Variants in HECTD4 observed in about 807,000 individuals in gnomAD.
HECTD4 encodes the protein HECT domain E3 ubiquitin protein ligase 4.
HECTD4 carries 114 observed loss-of-function variants against 471.5 expected under a neutral mutation model. That is an observed-to-expected ratio of 0.24 (90% CI 0.21 to 0.28). The LOEUF (loss-of-function observed/expected upper bound fraction) is 0.28. HECTD4 is among the 10% of genes least tolerant of loss of function. The pLI, the probability that HECTD4 is intolerant of heterozygous loss-of-function variation, is 1.00. For missense variants in HECTD4, 3,866 were observed against 5,651.5 expected (o/e 0.68, Z 10.13); for synonymous variants, 2,012 against 2,256.0 (o/e 0.89, Z 3.07).
intron 72 of HECTD4, 120 bp from the exon 73 acceptor site, chr12:112,164,395 G>A (rs1016350885): frequency 2.6e-5 from 27 of 1,036,350 alleles, no homozygotes. Flanking sequence ...CCGTGTAGAT[G>A]AGCATGTGAC....
Position 112,228,074 on chromosome 12 carries a change from G to A in HECTD4, c.6854+15C>T. On this transcript the variant is annotated intron_variant, in intron 43 of 75. Coordinates refer to ENST00000682272, the MANE Select transcript of HECTD4 (RefSeq NM_001388303.1). The surrounding 1 kb of genome is among the most constrained non-coding windows in gnomAD (Gnocchi z 4.9). ...ACCATGTCAGCACATAAGGCAATGT[G>A]GGGAGGGTACTCACCTTGTCCTTAT... 1.9e-6 allele frequency: 3 copies of A among 1,596,516 alleles called. No individual in the cohort carries two copies. The South Asian group carries it at 3.4e-5, about 18-fold the overall frequency.
chr12:112,198,860 A>T (rs2032327932), intron 55 of HECTD4, among the ~76,000 whole-genome samples: 1 of 152,180 alleles, frequency 6.6e-6, no homozygotes, highest in Non-Finnish European at 1.5e-5. Context: ...ATCACAAGGC[A>T]CTGCTTATGA....
In HECTD4 at chr12:112,319,496, T is replaced by C; in HGVS notation, c.424A>G (p.Thr142Ala). Residue 142 changes from threonine to alanine, a missense_variant, in exon 2 of 76, where the codon ACA (threonine) becomes GCA (alanine). Physicochemically the swap from Thr to Ala is moderately conservative, Grantham distance 58. Coordinates refer to ENST00000682272, the MANE Select transcript of HECTD4 (RefSeq NM_001388303.1). The surrounding 1 kb of genome is among the most constrained non-coding windows in gnomAD (Gnocchi z 5.3). The stretch of plus-strand genomic sequence containing the variant: ...ACCAGCAGGAGCCCCATCCTCGATG[T>C]GAAGGGCGCTTGCTCAGGTTGCTGC... The part of the protein sequence containing the change: ...LLQQPEQAPF[T>A]SRMGLLLVFP... 1 of 1,498,446 alleles carries C rather than the reference T, an allele frequency of 6.7e-7. No homozygotes were observed. Among genetic ancestry groups the C allele is most frequent in the Non-Finnish European group, 8.9e-7 (1 of 1,127,502 alleles). The allele number at this position is 1,498,446 out of a possible 1,614,324, so 92.8% of individuals were successfully genotyped here.
intron 66 of HECTD4, among the ~76,000 whole-genome samples, chr12:112,175,177 C>T (rs1004928368): frequency 2.0e-5 from 3 of 152,268 alleles, no homozygotes; most frequent in African/African-American, 7.2e-5. Flanking sequence ...CGAACAGATA[C>T]GTATGTTGAA....
At chr12:112,197,233 C>T (rs1395200549) in intron 55 of HECTD4, among the ~76,000 whole-genome samples, 1 of 152,164 alleles carries the variant, frequency 6.6e-6, no homozygotes, top group Non-Finnish European at 1.5e-5. Context: ...TTGGGTCTGA[C>T]CTGCAGCCCT....
intron 17 of HECTD4, among the ~76,000 whole-genome samples, chr12:112,263,589 G>T (rs1394949061): frequency 2.0e-5 from 3 of 152,038 alleles, no homozygotes; most frequent in Admixed American, 2.0e-4. Flanking sequence ...TATAGGTTTA[G>T]AAATTAGATT....
intron 29 of HECTD4, among the ~76,000 whole-genome samples, chr12:112,245,758 C>T (rs992780705): frequency 1.3e-5 from 2 of 152,234 alleles, no homozygotes; most frequent in Non-Finnish European, 2.9e-5. Context: ...TGCTTGTGGG[C>T]TGTGCCATGT....
chr12:112,286,699 C>T (rs1034213572), intron 7 of HECTD4, among the ~76,000 whole-genome samples: 1 of 151,878 alleles, frequency 6.6e-6, no homozygotes, highest in Non-Finnish European at 1.5e-5. Flanking sequence ...CCCACCCCGC[C>T]CCACCAAAAA....
chr12:112,359,128 A>G (rs1208838300), intron 1 of HECTD4, among the ~76,000 whole-genome samples: 5 of 151,526 alleles, frequency 3.3e-5, no homozygotes, highest in Admixed American at 2.6e-4. Context: ...ATGAGTCGAG[A>G]TGGGCCACTG....
At chr12:112,286,647 G>A (rs1298580597) in intron 7 of HECTD4, among the ~76,000 whole-genome samples, 1 of 151,956 alleles carries the variant, frequency 6.6e-6, no homozygotes, top group Non-Finnish European at 1.5e-5. Flanking sequence ...AACCATGATT[G>A]CACCACTGCA....
At chr12:112,296,297 G>A (rs2035011845) in intron 7 of HECTD4, among the ~76,000 whole-genome samples, 1 of 151,470 alleles carries the variant, frequency 6.6e-6, no homozygotes, top group Admixed American at 6.6e-5. Context: ...GTGGATGTAG[G>A]TGCAGTGGAT....
rs1187268590 is a variant in HECTD4, at chr12:112,162,700, G to C, written c.13121-177C>G. ...CTGCGAGATGTTCTTGGAGGGAAAA[G>C]GGGAGAGAGCTGCTGGACAGCGCAT... On this transcript the variant is annotated intron_variant, in intron 75 of 75. Coordinates refer to ENST00000682272, the MANE Select transcript of HECTD4 (RefSeq NM_001388303.1). The surrounding 1 kb of genome is among the most constrained non-coding windows in gnomAD (Gnocchi z 5.2). 2.9e-6 allele frequency: 2 copies of C among 693,596 alleles called. No homozygotes were observed. The highest frequency in any genetic ancestry group is 4.8e-6 in the Non-Finnish European group (2 of 416,464). The allele number at this position is 693,596 out of a possible 1,614,324, so 43.0% of individuals were successfully genotyped here. A position where few individuals can be genotyped will look rare whatever the true frequency, so the allele number is the denominator to read the frequency against.
At chr12:112,191,065 G>T in intron 59 of HECTD4, 100 bp from the exon 60 acceptor site, 1 of 957,572 alleles carries the variant, frequency 1.0e-6, no homozygotes, top group Non-Finnish European at 1.5e-6. Flanking sequence ...AAACAGGGCT[G>T]GAGAGCCCAC....
intron 1 of HECTD4, among the ~76,000 whole-genome samples, chr12:112,359,159 G>C (rs2036403480): frequency 6.6e-6 from 1 of 151,716 alleles, no homozygotes; most frequent in East Asian, 1.9e-4. Context: ...CTCCAGCCTG[G>C]GCAACAGAGC....
chr12:112,165,606 C>T (rs559325518), intron 72 of HECTD4, among the ~76,000 whole-genome samples: 18 of 152,278 alleles, frequency 1.2e-4, no homozygotes, highest in Admixed American at 7.2e-4. Context: ...CCACCTTGGC[C>T]TCCCGAAGTG....
intron 68 of HECTD4, 166 bp from the exon 69 acceptor site, chr12:112,170,618 ATACCCTTTG>A: frequency 1.3e-6 from 1 of 761,974 alleles, no homozygotes; most frequent in Non-Finnish European, 2.1e-6. Flanking sequence ...CGCCCAGCAT[ATACCCTTTG>A]TCATTCCCAG....
intron 7 of HECTD4, among the ~76,000 whole-genome samples, chr12:112,287,180 C>G (rs1020187412): frequency 2.2e-4 from 33 of 152,312 alleles, no homozygotes; most frequent in African/African-American, 7.7e-4. Flanking sequence ...CCATGCACTC[C>G]CTCTCACATT....
Position 112,290,426 on chromosome 12 carries a change from G to A in HECTD4, c.1336-7124C>T, listed in dbSNP as rs575066321. ...TGTGGTCCCAGCTGTGAGGGAGGCAGACGTGAGAAGATCGCTTGAGCCTGC... is the reference window on the plus strand; with the variant it reads ...TGTGGTCCCAGCTGTGAGGGAGGCAAACGTGAGAAGATCGCTTGAGCCTGC... On this transcript the variant is annotated intron_variant, in intron 7 of 75. Coordinates refer to ENST00000682272, the MANE Select transcript of HECTD4 (RefSeq NM_001388303.1). 2.1e-3 allele frequency among the ~76,000 whole-genome samples: 316 copies of A among 152,168 alleles called. 1 individual carries two copies. The highest frequency in any genetic ancestry group is 6.8e-3 in the Middle Eastern group (2 of 294).
Position 112,381,853 on chromosome 12 carries a change from G to GGAGGCGAGGCCGCGGCT in HECTD4, c.177+82_177+98dup. 1 of 878,134 alleles carries GGAGGCGAGGCCGCGGCT rather than the reference G, an allele frequency of 1.1e-6. No individual in the cohort carries two copies. The highest frequency in any genetic ancestry group is 3.6e-5 in the East Asian group (1 of 27,780). 54.4% of individuals were successfully genotyped at this position (878,134 alleles called of 1,614,324 possible). Reference sequence around the variant, plus strand: ...CACACACCTGCCCCGGCAGCCGCCGGGAGGCGAGGCCGCGGCTGAGGCGAG... The same window carrying GGAGGCGAGGCCGCGGCT: ...CACACACCTGCCCCGGCAGCCGCCGGGAGGCGAGGCCGCGGCTGAGGCGAGGCCGCGGCTGAGGCGAG... On this transcript the variant is annotated intron_variant, in intron 1 of 75. Transcript: ENST00000682272. This position sits in a 1 kb window ranked among gnomAD's most constrained non-coding sequence, Gnocchi z 4.1.
Sources: gnomAD v4.1 joint callset for allele counts (sites outside exome capture counted in the v4.1 genomes callset) on GRCh38, gnomAD v4.1.1 for gene constraint, Gnocchi (gnomAD v3.1) non-coding constraint, MANE v1.5 for transcripts, NCBI Gene and HGNC (gene_info 2026-07-23, HGNC 2026-07-21) for gene names.